Variants in TBCD observed in about 807,000 individuals in gnomAD.
TBCD encodes tubulin folding cofactor D, also known as tubulin-specific chaperone D.
TBCD carries 105 observed loss-of-function variants against 169.3 expected under a neutral mutation model. The observed-to-expected ratio is 0.62, with a 90% CI of 0.53 to 0.73. The LOEUF (loss-of-function observed/expected upper bound fraction) is 0.73. Ranked by LOEUF, TBCD falls within the 30% of genes least tolerant of loss-of-function variation. TBCD has a pLI of 0.00. For missense variants in TBCD, 1,444 were observed against 1,600.1 expected, an observed-to-expected ratio of 0.90 and a Z score of 1.66; for synonymous variants, 700 against 643.9, an observed-to-expected ratio of 1.09 and a Z score of -1.32.
rs140666091 is a variant in TBCD, at chr17:82,791,898, G to A, written c.772-5859G>A. ...GCGGCCTGCTGCACTCCCAGGCCAGGTGGTGTGGCCCGCTGCTCCCAGGCT... is the reference window on the plus strand; with the variant it reads ...GCGGCCTGCTGCACTCCCAGGCCAGATGGTGTGGCCCGCTGCTCCCAGGCT... On this transcript the variant is annotated intron_variant, in intron 7 of 38. Transcript: ENST00000355528. Among the ~76,000 whole-genome samples the A allele has an allele frequency of 6.4e-3, 978 of 151,764 alleles. 9 individuals carry two copies. The highest frequency in any genetic ancestry group is 8.7e-3 in the Non-Finnish European group (592 of 67,948).
chr17:82,851,618 G>A (rs1420473886), intron 13 of TBCD, among the ~76,000 whole-genome samples: 1 of 152,218 alleles, frequency 6.6e-6, no homozygotes, highest in Non-Finnish European at 1.5e-5. Context: ...CACAGGGCGG[G>A]TGGGAAGAGG....
intron 15 of TBCD, among the ~76,000 whole-genome samples, chr17:82,885,267 C>T (rs577463250): frequency 9.2e-5 from 14 of 152,148 alleles, no homozygotes; most frequent in Non-Finnish European, 2.1e-4. Context: ...GTGTGTGGCC[C>T]CTGGTGAGTG....
chr17:82,762,042 G>A (rs891296465), intron 2 of TBCD, among the ~76,000 whole-genome samples: 1 of 151,550 alleles, frequency 6.6e-6, no homozygotes, highest in Non-Finnish European at 1.5e-5. Flanking sequence ...AGTTGTTTCC[G>A]GTTTTTGGCT....
intron 17 of TBCD, among the ~76,000 whole-genome samples, chr17:82,896,477 T>TC (rs951754933): frequency 9.1e-6 from 1 of 109,568 alleles, no homozygotes; most frequent in Non-Finnish European, 1.9e-5. Flanking sequence ...TTTTTTTTTT[T>TC]CCTTTTGAGA....
In TBCD at chr17:82,831,271, G is replaced by A. The variant is rs775425408; in HGVS notation, c.1318+16337G>A. ...GCGGGGGCTCATTTTGGACCCTTCC[G>A]TGTCTCTCTGCCCAGCCTTGGAGGA... On this transcript the variant is annotated intron_variant, in intron 13 of 38. Coordinates refer to ENST00000355528, the MANE Select transcript of TBCD (RefSeq NM_005993.5). This position sits in a 1 kb window ranked among gnomAD's most constrained non-coding sequence, Gnocchi z 4.6. 9.9e-6 allele frequency: 16 copies of A among 1,613,676 alleles called. No individual in the cohort carries two copies. In the African/African-American group the frequency reaches 1.3e-4, roughly 13 times the overall value.
In TBCD at chr17:82,847,118, A is replaced by G. The variant is rs370362147; in HGVS notation, c.1319-23106A>G. On this transcript the variant is annotated intron_variant, in intron 13 of 38. Transcript: ENST00000355528. ...TGTAATCCCAGCACTTTGGGAGGCC[A>G]AGGTGGGCGGATCATGAGGTCAGGA... 3.7e-3 allele frequency among the ~76,000 whole-genome samples: 565 copies of G among 151,492 alleles called. 4 individuals carry two copies. The highest frequency in any genetic ancestry group is 6.8e-3 in the Non-Finnish European group (459 of 67,406).
intron 13 of TBCD, chr17:82,859,723 A>G: frequency 3.0e-6 from 3 of 985,448 alleles, no homozygotes; most frequent in Non-Finnish European, 3.6e-6. Context: ...GGCTGTGGAA[A>G]GATTCCAGTC....
chr17:82,851,555 C>G (rs2055790533), intron 13 of TBCD, among the ~76,000 whole-genome samples: 1 of 152,164 alleles, frequency 6.6e-6, no homozygotes, highest in Non-Finnish European at 1.5e-5. Context: ...GCAGGAATCA[C>G]TTGGTGACTC....
Position 82,764,063 on chromosome 17 carries a change from G to A in TBCD, c.333+1G>A. On this transcript the variant is annotated splice_donor_variant, in intron 3 of 38. Coordinates refer to ENST00000355528, the MANE Select transcript of TBCD (RefSeq NM_005993.5). LOFTEE classifies it high-confidence loss of function. ...TAAATTTCTTTACATCATCACCAAG[G>A]TAACATTTCCATAGCACTTCAGAGT... 1 of 1,611,232 alleles carries A rather than the reference G, an allele frequency of 6.2e-7. No homozygotes were observed. Among genetic ancestry groups the A allele is most frequent in the Non-Finnish European group, 8.5e-7 (1 of 1,177,766 alleles).
In TBCD at chr17:82,830,416, G is replaced by A. The variant is rs746376234; in HGVS notation, c.1318+15482G>A. The A allele has an allele frequency of 1.2e-6, 2 of 1,611,696 alleles. No homozygotes were observed. Among genetic ancestry groups the A allele is most frequent in the East Asian group, 4.5e-5 (2 of 44,888 alleles). ...CAGCTGGCACAGGGCCACGGCTGCC[G>A]TCTGCTTCTGCTCCTCGCTGCTGTC... On this transcript the variant is annotated intron_variant, in intron 13 of 38. Coordinates refer to ENST00000355528, the MANE Select transcript of TBCD (RefSeq NM_005993.5).
chr17:82,863,690 C>T (rs748907778), intron 13 of TBCD, among the ~76,000 whole-genome samples: 17 of 152,258 alleles, frequency 1.1e-4, no homozygotes, highest in East Asian at 3.9e-4. Flanking sequence ...AGGAACTGGG[C>T]GCCTTCCCTG....
Position 82,879,227 on chromosome 17 carries a change from C to T in TBCD, c.1476-4918C>T, listed in dbSNP as rs566098711. On this transcript the variant is annotated intron_variant, in intron 14 of 38. Coordinates refer to ENST00000355528, the MANE Select transcript of TBCD (RefSeq NM_005993.5). ...GAACAGTATTTGGAATCCAGGACGC[C>T]GGGCTTGGCCTCAGCTGCCTCTAGG... 3.3e-5 allele frequency among the ~76,000 whole-genome samples: 5 copies of T among 151,996 alleles called. No homozygotes were observed. In the East Asian group the frequency reaches 7.7e-4, roughly 24 times the overall value.
chr17:82,830,704 T>G, intron 13 of TBCD: 2 of 1,614,046 alleles, frequency 1.2e-6, no homozygotes, highest in Non-Finnish European at 1.7e-6. Context: ...GGTTTCCGCC[T>G]GGGGGCTGCC....
At position 82,805,976 on chromosome 17, in the gene TBCD, A is replaced by C. The variant is rs1404312014; in HGVS notation, c.1052A>C (p.Asp351Ala). Residue 351 changes from aspartate (D) to alanine (A), a missense_variant, in exon 10 of 39, where the codon GAT becomes GCT. By Grantham distance (126) the Asp-to-Ala change is moderately radical. Transcript: ENST00000355528. ...ATCCTGACCGAAGATGACGACGAAG[A>C]TGACGACGTCCCAGAGGGGGTGGAG... ...PLILTEDDDE[D>A]DDVPEGVERV... 3.7e-6 allele frequency: 6 copies of C among 1,613,678 alleles called. No homozygotes were observed. In the Admixed American group the frequency reaches 1.0e-4, roughly 27 times the overall value.
At chr17:82,856,469 G>T (rs944462259) in intron 13 of TBCD, among the ~76,000 whole-genome samples, 1 of 151,982 alleles carries the variant, frequency 6.6e-6, no homozygotes, top group African/African-American at 2.4e-5. Context: ...AAAAACAGAC[G>T]CCCCAATGCT....
rs2056745459 is a variant in TBCD at position 82,861,336 on chromosome 17, AGCCGCTGGTTCAC to A, written c.1319-8886_1319-8874del. Among the ~76,000 whole-genome samples the A allele has an allele frequency of 5.8e-4, 4 of 6,876 alleles. No individual in the cohort carries two copies. In the East Asian group the frequency reaches 0.028, roughly 48 times the overall value. 4.5% of individuals were successfully genotyped at this position (6,876 alleles called of 152,430 possible). A position where few individuals can be genotyped will look rare whatever the true frequency, so the allele number is the denominator to read the frequency against. ...CGAGCCCTGAATTCCACCTCACGTCAGCCGCTGGTTCACGTCAGCCGCTGGTTCACGTCAGCTG... is the reference window on the plus strand; with the variant it reads ...CGAGCCCTGAATTCCACCTCACGTCAGTCAGCCGCTGGTTCACGTCAGCTG... On this transcript the variant is annotated intron_variant, in intron 13 of 38. Transcript: ENST00000355528.
At chr17:82,849,652 GTCGCC>G in intron 13 of TBCD, among the ~76,000 whole-genome samples, 1 of 152,226 alleles carries the variant, frequency 6.6e-6, no homozygotes, top group Non-Finnish European at 1.5e-5. Context: ...AATCCTCGTG[GTCGCC>G]CCGGGGGTGG....
At chr17:82,808,942 T>G (rs1598630439) in intron 11 of TBCD, among the ~76,000 whole-genome samples, 1 of 126,860 alleles carries the variant, frequency 7.9e-6, no homozygotes, top group Admixed American at 8.0e-5. Flanking sequence ...GGCTGGCAGG[T>G]GCTGGGGGAT....
intron 2 of TBCD, among the ~76,000 whole-genome samples, chr17:82,757,316 T>A (rs1249470352): frequency 6.6e-6 from 1 of 152,202 alleles, no homozygotes; most frequent in Non-Finnish European, 1.5e-5. Context: ...GTTCTGTTTT[T>A]TTTTCTTCAA....
Sources: gnomAD v4.1 joint callset for allele counts (sites outside exome capture counted in the v4.1 genomes callset) on GRCh38, gnomAD v4.1.1 for gene constraint, Gnocchi (gnomAD v3.1) non-coding constraint, MANE v1.5 for transcripts, NCBI Gene and HGNC (gene_info 2026-07-23, HGNC 2026-07-21) for gene names.